SRPK2: variants seen among roughly 807,000 people sequenced by gnomAD.
SRPK2 encodes SRSF protein kinase 2, also known as SFRS protein kinase 2.
SRPK2 carries 21 observed loss-of-function variants against 90.8 expected under a neutral mutation model. That is an observed-to-expected ratio of 0.23 (90% CI 0.16 to 0.33). SRPK2 has a LOEUF of 0.33. Ranked by LOEUF, SRPK2 falls within the 10% of genes least tolerant of loss-of-function variation. The pLI, the probability that SRPK2 is intolerant of heterozygous loss-of-function variation, is 1.00. For missense variants in SRPK2, 620 were observed against 869.0 expected (o/e 0.71, Z 3.60); for synonymous variants, 288 against 311.1 (o/e 0.93, Z 0.78).
intron 11 of SRPK2, among the ~76,000 whole-genome samples, chr7:105,139,886 T>C (rs1803446509): frequency 6.6e-6 from 1 of 151,990 alleles, no homozygotes; most frequent in South Asian, 2.1e-4. Flanking sequence ...TGGGGTTTAA[T>C]CTGATATGCA....
chr7:105,375,984 T>TTC (rs916939462), intron 2 of SRPK2, among the ~76,000 whole-genome samples: 2 of 39,058 alleles, frequency 5.1e-5, no homozygotes, highest in African/African-American at 2.2e-4. Context: ...AATTCATTTC[T>TTC]TTTTTTTTTT....
intron 2 of SRPK2, among the ~76,000 whole-genome samples, chr7:105,261,141 C>A (rs1804214710): frequency 6.6e-6 from 1 of 151,410 alleles, no homozygotes; most frequent in Admixed American, 6.6e-5. Context: ...GCCATTTTGG[C>A]ACAGAGATGG....
chr7:105,236,180 T>C (rs1253188492), intron 2 of SRPK2, among the ~76,000 whole-genome samples: 2 of 152,214 alleles, frequency 1.3e-5, no homozygotes, highest in Non-Finnish European at 2.9e-5. Flanking sequence ...CACACTCTGA[T>C]CTAGATTATG....
At chr7:105,137,560 CCCACAG>C (rs1200359029) in intron 11 of SRPK2, among the ~76,000 whole-genome samples, 1 of 152,136 alleles carries the variant, frequency 6.6e-6, no homozygotes, top group Non-Finnish European at 1.5e-5. Context: ...CCAGAAATAG[CCCACAG>C]GTAAGACCAA....
intron 2 of SRPK2, among the ~76,000 whole-genome samples, chr7:105,327,306 G>C (rs1231987472): frequency 6.6e-6 from 1 of 152,204 alleles, no homozygotes; most frequent in Non-Finnish European, 1.5e-5. Flanking sequence ...AACGAAGTTT[G>C]ATTGGAACAC....
At chr7:105,225,218 AAAC>A (rs1798572551) in intron 2 of SRPK2, among the ~76,000 whole-genome samples, 1 of 152,142 alleles carries the variant, frequency 6.6e-6, no homozygotes, top group Non-Finnish European at 1.5e-5. Context: ...ACAAAAAACA[AAAC>A]ACCACTGTCA....
At chr7:105,142,859 T>A (rs2240465) in intron 10 of SRPK2, among the ~76,000 whole-genome samples, 2 of 152,078 alleles carry the variant, frequency 1.3e-5, no homozygotes, top group Non-Finnish European at 2.9e-5. Flanking sequence ...AATTTCTCAA[T>A]TATTTTACAT....
At chr7:105,334,516 T>A (rs1375714921) in intron 2 of SRPK2, among the ~76,000 whole-genome samples, 1 of 151,102 alleles carries the variant, frequency 6.6e-6, no homozygotes, top group Non-Finnish European at 1.5e-5. Flanking sequence ...CCACTGCGCC[T>A]AGCCCTGATG....
upstream of SRPK2, among the ~76,000 whole-genome samples, chr7:105,390,605 TTG>T (rs1281893746): frequency 1.8e-3 from 260 of 140,824 alleles, 1 homozygote; most frequent in East Asian, 9.7e-3. Context: ...ATTTTTGTTT[TTG>T]TTTTTTTTTT....
chr7:105,220,144 G>A lies in SRPK2; in HGVS notation c.72-16359C>T, dbSNP rs139715872. Among the ~76,000 whole-genome samples the A allele has an allele frequency of 4.3e-3, 650 of 152,186 alleles. 11 individuals carry two copies. In the East Asian group the frequency reaches 0.063, roughly 15 times the overall value. ...TAAGCAGGCAAAAAACTAAACATAG[G>A]GAAAAATAATGCAGTTTAAATGTGG... On this transcript the variant is annotated intron_variant, in intron 2 of 15. Coordinates refer to ENST00000393651, the MANE Select transcript of SRPK2 (RefSeq NM_182692.3).
At position 105,205,569 on chromosome 7, in the gene SRPK2, A is replaced by C. The variant is rs547120648; in HGVS notation, c.72-1784T>G. 2.7e-3 allele frequency among the ~76,000 whole-genome samples: 380 copies of C among 141,574 alleles called. 12 individuals carry two copies. The East Asian group carries it at 0.061, about 23-fold the overall frequency. The allele number at this position is 141,574 out of a possible 152,430, so 92.9% of individuals were successfully genotyped here. On this transcript the variant is annotated intron_variant, in intron 2 of 15. Transcript: ENST00000393651. ...CACACACACACACACACACACACAC[A>C]CCACTTCCAGAATACATTCAAAACT...
intron 2 of SRPK2, among the ~76,000 whole-genome samples, chr7:105,357,599 C>T (rs1461618146): frequency 2.0e-5 from 3 of 151,970 alleles, no homozygotes; most frequent in African/African-American, 7.2e-5. Flanking sequence ...CAAAAAATAG[C>T]CGGGTGCGGT....
chr7:105,232,781 G>A (rs1406270079), intron 2 of SRPK2, among the ~76,000 whole-genome samples: 1 of 152,042 alleles, frequency 6.6e-6, no homozygotes, highest in Non-Finnish European at 1.5e-5. Flanking sequence ...TTGGGAGGCT[G>A]AGGCAGGTGG....
chr7:105,280,079 A>G (rs1184360305), intron 2 of SRPK2, among the ~76,000 whole-genome samples: 1 of 152,242 alleles, frequency 6.6e-6, no homozygotes, highest in Non-Finnish European at 1.5e-5. Context: ...AGATATTAAC[A>G]GACAACTGAA....
chr7:105,184,433 C>T (rs1793312238), intron 3 of SRPK2, among the ~76,000 whole-genome samples: 1 of 152,142 alleles, frequency 6.6e-6, no homozygotes, highest in Admixed American at 6.5e-5. Context: ...ACCAAATACA[C>T]GATCTTTCAA....
chr7:105,215,399 T>A (rs1251541276), intron 2 of SRPK2, among the ~76,000 whole-genome samples: 2 of 152,148 alleles, frequency 1.3e-5, no homozygotes, highest in South Asian at 4.2e-4. Flanking sequence ...ATGATGAAAA[T>A]GGAAAATGGT....
At chr7:105,260,696 T>G (rs922156631) in intron 2 of SRPK2, among the ~76,000 whole-genome samples, 1 of 152,190 alleles carries the variant, frequency 6.6e-6, no homozygotes. Context: ...TGGAATACTA[T>G]GCAGCCATAA....
chr7:105,343,065 G>T (rs932014677), intron 2 of SRPK2, among the ~76,000 whole-genome samples: 1 of 152,180 alleles, frequency 6.6e-6, no homozygotes, highest in South Asian at 2.1e-4. Context: ...GGTAAGAGAT[G>T]GTAAAGAAGG....
At chr7:105,255,378 C>T (rs1803129012) in intron 2 of SRPK2, among the ~76,000 whole-genome samples, 1 of 151,990 alleles carries the variant, frequency 6.6e-6, no homozygotes, top group Admixed American at 6.6e-5. Flanking sequence ...TCTGCATTTT[C>T]TCTGACCCCC....
Sources: gnomAD v4.1 joint callset for allele counts (sites outside exome capture counted in the v4.1 genomes callset) on GRCh38, gnomAD v4.1.1 for gene constraint, MANE v1.5 for transcripts, NCBI Gene and HGNC (gene_info 2026-07-23, HGNC 2026-07-21) for gene names.